The following YTHDC1 variants were observed in gnomAD, a reference collection of about 807,000 sequenced individuals.
YTHDC1 encodes the protein YTH N6-methyladenosine RNA binding protein C1, also known as YTH domain-containing protein 1.
YTHDC1 carries 12 observed loss-of-function variants against 107.0 expected under a neutral mutation model. The observed-to-expected ratio is 0.11, with a 90% CI of 0.07 to 0.18. The LOEUF (loss-of-function observed/expected upper bound fraction) is 0.18, where lower values mean the gene tolerates loss of function less well. YTHDC1 is among the 10% of genes least tolerant of loss of function. YTHDC1 has a pLI of 1.00. For missense variants in YTHDC1, 635 were observed against 898.8 expected (o/e 0.71, Z 3.75); for synonymous variants, 280 against 289.5 (o/e 0.97, Z 0.33).
At chr4:68,324,691 T>C (rs914737648) in intron 9 of YTHDC1, among the ~76,000 whole-genome samples, 3 of 152,150 alleles carry the variant, frequency 2.0e-5, no homozygotes, top group African/African-American at 7.2e-5. Flanking sequence ...TTATTCTCAT[T>C]TGGAGGGTGC....
intron 3 of YTHDC1, 46 bp from the exon 4 acceptor site, chr4:68,337,496 G>A (rs753604362): frequency 6.2e-7 from 1 of 1,602,010 alleles, no homozygotes; most frequent in Non-Finnish European, 8.5e-7. Context: ...TAAAAGACAA[G>A]GTCAGGGTGA....
rs762115295 is a variant in YTHDC1, at chr4:68,338,432, C to T, written c.29-48G>A. 27 of 1,447,672 alleles carry T rather than the reference C, an allele frequency of 1.9e-5. No individual in the cohort carries two copies. In the South Asian group the frequency reaches 3.3e-4, roughly 18 times the overall value. 89.7% of individuals were successfully genotyped at this position (1,447,672 alleles called of 1,614,324 possible). ...ATAGGGAAAAATCACTATCATTGAA[C>T]ATGTATTTTTGAGTACTTACTAAGT... is the stretch of plus-strand genomic sequence containing the variant. On this transcript the variant is annotated intron_variant, in intron 1 of 16. Transcript: ENST00000344157.
chr4:68,341,761 A>G (rs1225138785), intron 1 of YTHDC1, among the ~76,000 whole-genome samples: 2 of 152,136 alleles, frequency 1.3e-5, no homozygotes, highest in African/African-American at 2.4e-5. Context: ...ATACAAGGGG[A>G]AAAGTCTTGG....
At chr4:68,346,133 C>T (rs375543119) in intron 1 of YTHDC1, among the ~76,000 whole-genome samples, 16 of 148,664 alleles carry the variant, frequency 1.1e-4, no homozygotes, top group African/African-American at 3.8e-4. Context: ...GTCTGTATAA[C>T]GGCTGGGCAC....
At chr4:68,318,423 A>T in intron 15 of YTHDC1, 96 bp downstream of exon 15, 1 of 1,259,216 alleles carries the variant, frequency 7.9e-7, no homozygotes, top group Non-Finnish European at 1.1e-6. Context: ...AAGTCTCTTT[A>T]ATGAGTAACT....
At chr4:68,348,614 C>A (rs1051535232) in intron 1 of YTHDC1, among the ~76,000 whole-genome samples, 4 of 152,078 alleles carry the variant, frequency 2.6e-5, no homozygotes, top group African/African-American at 9.7e-5. Flanking sequence ...ATTCCACTTT[C>A]CCAGCTTGTC....
intron 12 of YTHDC1, among the ~76,000 whole-genome samples, chr4:68,319,759 T>C (rs755815526): frequency 6.6e-6 from 1 of 152,206 alleles, no homozygotes; most frequent in Non-Finnish European, 1.5e-5. Context: ...TGTATGTATA[T>C]GTATCACATG....
chr4:68,337,168 C>T lies in YTHDC1; in HGVS notation c.742G>A (p.Glu248Lys). 2 of 1,613,206 alleles carry T rather than the reference C, an allele frequency of 1.2e-6. No individual in the cohort carries two copies. Among genetic ancestry groups the T allele is most frequent in the Non-Finnish European group, 1.7e-6 (2 of 1,179,368 alleles). The change falls in exon 4 of 17, where the codon GAA becomes AAA. Residue 248 changes from glutamate (E) to lysine (K), a missense_variant. This residue lies in a region of YTHDC1 where 294 missense variants were observed against 312.3 expected (regional missense o/e 0.94). Transcript: ENST00000344157. Reference protein sequence around the residue: ...EEEEEEEEEEEEYEQDERDQK... With the variant: ...EEEEEEEEEEKEYEQDERDQK... ...TCTCTCTCATCCTGTTCATATTCTTCTTCTTCCTCCTCCTCCTCCTCCTCT... is the reference window on the plus strand; with the variant it reads ...TCTCTCTCATCCTGTTCATATTCTTTTTCTTCCTCCTCCTCCTCCTCCTCT...
chr4:68,348,229 T>A (rs751227698), intron 1 of YTHDC1, among the ~76,000 whole-genome samples: 23 of 152,334 alleles, frequency 1.5e-4, no homozygotes, highest in African/African-American at 5.3e-4. Context: ...AATATTTTCA[T>A]CTTAGACAAC....
At chr4:68,333,456 A>G (rs563123847) in intron 4 of YTHDC1, 59 bp from the exon 5 acceptor site, 1 of 1,251,806 alleles carries the variant, frequency 8.0e-7, no homozygotes, top group South Asian at 1.3e-5. Flanking sequence ...AGAAGTAATC[A>G]AACAAGAATG....
intron 1 of YTHDC1, among the ~76,000 whole-genome samples, chr4:68,348,197 T>C (rs1282011260): frequency 6.6e-6 from 1 of 152,222 alleles, no homozygotes; most frequent in Admixed American, 6.5e-5. Flanking sequence ...CATTACTGCG[T>C]CTACTCTATT....
intron 16 of YTHDC1, among the ~76,000 whole-genome samples, chr4:68,315,364 A>G (rs943029615): frequency 6.6e-6 from 1 of 152,210 alleles, no homozygotes; most frequent in Non-Finnish European, 1.5e-5. Flanking sequence ...AAATGTCTCA[A>G]AGATAGGCTA....
intron 16 of YTHDC1, among the ~76,000 whole-genome samples, chr4:68,315,657 A>T (rs1380884527): frequency 1.3e-5 from 2 of 152,298 alleles, no homozygotes; most frequent in African/African-American, 4.8e-5. Context: ...ACTCAGCCCC[A>T]CTAGTTAAAA....
At chr4:68,349,518 G>A (rs1413997186) in intron 1 of YTHDC1, among the ~76,000 whole-genome samples, 3 of 151,962 alleles carry the variant, frequency 2.0e-5, no homozygotes, top group Admixed American at 6.6e-5. Context: ...CTACTGAGAT[G>A]AAGTGCTAGG....
Position 68,349,809 on chromosome 4 carries a change from C to T in YTHDC1, c.-56G>A. 6.2e-7 allele frequency: 1 copy of T among 1,609,874 alleles called. No homozygotes were observed. Among genetic ancestry groups the T allele is most frequent in the Admixed American group, 1.7e-5 (1 of 59,832 alleles). On this transcript the variant is annotated 5_prime_UTR_variant, in exon 1 of 17. Transcript: ENST00000344157. ...GCCGCCGCCGCTTAGACGCGACTCG[C>T]GCGGGCGCCGCAGCCGCGGCAGAAG...
At chr4:68,336,359 A>C (rs910413641) in intron 4 of YTHDC1, among the ~76,000 whole-genome samples, 1 of 151,970 alleles carries the variant, frequency 6.6e-6, no homozygotes, top group African/African-American at 2.4e-5. Context: ...AGTGCCTCCA[A>C]CTACGTAACA....
chr4:68,341,349 A>C (rs1724780997), intron 1 of YTHDC1, among the ~76,000 whole-genome samples: 1 of 152,210 alleles, frequency 6.6e-6, no homozygotes, highest in Non-Finnish European at 1.5e-5. Flanking sequence ...TGCACCAGAA[A>C]GCTCTATATC....
At position 68,322,553 on chromosome 4, in the gene YTHDC1, AT is replaced by A; in HGVS notation, c.1601+195del. ...TTTTTCTGCATAAGGAAAGATCCCC[AT>A]TTTCCTCTTGAAAAATGACTGAGAC... On this transcript the variant is annotated intron_variant, in intron 11 of 16. Coordinates refer to ENST00000344157, the MANE Select transcript of YTHDC1 (RefSeq NM_001031732.4). The surrounding 1 kb of genome is among the most constrained non-coding windows in gnomAD (Gnocchi z 4.8). The A allele has an allele frequency of 1.6e-6, 1 of 607,614 alleles. No individual in the cohort carries two copies. 37.6% of individuals were successfully genotyped at this position (607,614 alleles called of 1,614,324 possible). A position where few individuals can be genotyped will look rare whatever the true frequency, so the allele number is the denominator to read the frequency against.
intron 1 of YTHDC1, 91 bp downstream of exon 1, chr4:68,349,635 C>CCCCCCCA: frequency 3.7e-6 from 1 of 272,434 alleles, no homozygotes; most frequent in South Asian, 3.4e-5. Flanking sequence ...TCCCCAACCC[C>CCCCCCCA]CACCCCCCAC....
Sources: allele counts gnomAD v4.1 joint callset (sites outside exome capture counted in the v4.1 genomes callset), GRCh38; gene constraint gnomAD v4.1.1; regional missense constraint gnomAD v4.1.1; non-coding constraint Gnocchi (gnomAD v3.1); transcripts MANE v1.5; gene names NCBI Gene and HGNC (gene_info 2026-07-23, HGNC 2026-07-21).